The following TTC21B variants were observed in gnomAD, a reference collection of about 807,000 sequenced individuals.
The protein encoded by TTC21B is tetratricopeptide repeat protein 21B.
A neutral mutation model predicts 175.1 loss-of-function variants in TTC21B; 127 were observed. The observed-to-expected ratio is 0.73, with a 90% CI of 0.63 to 0.84. The LOEUF (loss-of-function observed/expected upper bound fraction) is 0.84. Among genes scored for constraint, TTC21B ranks in the 40% least tolerant of loss-of-function variants. The pLI is 0.00. For missense variants in TTC21B, 1,561 were observed against 1,558.3 expected, an observed-to-expected ratio of 1.00 and a Z score of -0.03; for synonymous variants, 524 against 524.5, an observed-to-expected ratio of 1.00 and a Z score of 0.01.
chr2:165,947,255 A>G, intron 3 of TTC21B: 1 of 141,008 alleles, frequency 7.1e-6, no homozygotes, highest in African/African-American at 2.8e-5. Context: ...TCAGAATCAG[A>G]ATCAGCCATG....
intron 6 of TTC21B, among the ~76,000 whole-genome samples, chr2:165,937,204 T>G (rs1687181799): frequency 6.6e-6 from 1 of 152,098 alleles, no homozygotes; most frequent in African/African-American, 2.4e-5. Flanking sequence ...ACATATTGTA[T>G]TATTCCATAT....
rs1028867261 is a variant in TTC21B at position 165,907,900 on chromosome 2, C to T, written c.2462-116G>A. ...AAATGATTTTGAAAAATAGTGAATACGGTTAAAATTTTCTCAATCAGTTGC... is the reference window on the plus strand; with the variant it reads ...AAATGATTTTGAAAAATAGTGAATATGGTTAAAATTTTCTCAATCAGTTGC... On this transcript the variant is annotated intron_variant, in intron 18 of 28. Transcript: ENST00000243344. 5.6e-5 allele frequency: 38 copies of T among 676,276 alleles called. 1 individual carries two copies. The South Asian group carries it at 5.9e-4, about 11-fold the overall frequency. 41.9% of individuals were successfully genotyped at this position (676,276 alleles called of 1,614,324 possible).
chr2:165,930,590 T>C (rs191035090), intron 8 of TTC21B, among the ~76,000 whole-genome samples: 271 of 152,118 alleles, frequency 1.8e-3, no homozygotes, highest in African/African-American at 6.3e-3. Flanking sequence ...ATAATGCTTT[T>C]ACAAAATAAC....
chr2:165,924,477 G>T (rs1686546406), intron 12 of TTC21B, 72 bp downstream of exon 12: 5 of 1,449,140 alleles, frequency 3.5e-6, no homozygotes, highest in Non-Finnish European at 4.8e-6. Context: ...TATACACAGT[G>T]CTTAATTTAT....
chr2:165,935,710 A>G (rs984863887), intron 6 of TTC21B, among the ~76,000 whole-genome samples: 5 of 152,216 alleles, frequency 3.3e-5, no homozygotes, highest in African/African-American at 1.2e-4. Context: ...AATAACATTT[A>G]CATTAGCACT....
intron 19 of TTC21B, 83 bp from the exon 20 acceptor site, chr2:165,901,993 GATTT>G (rs1559048531): frequency 1.7e-6 from 2 of 1,207,168 alleles, no homozygotes; most frequent in Non-Finnish European, 2.4e-6. Flanking sequence ...TAATTTTACA[GATTT>G]ATTTAAACAT....
chr2:165,932,789 T>C (rs1420240088), intron 7 of TTC21B, among the ~76,000 whole-genome samples, 184 bp downstream of exon 7: 1 of 152,152 alleles, frequency 6.6e-6, no homozygotes, highest in Non-Finnish European at 1.5e-5. Flanking sequence ...GCTTTACCAA[T>C]AGATTTCAGA....
intron 28 of TTC21B, 77 bp from the exon 29 acceptor site, chr2:165,874,909 AT>A: frequency 7.8e-7 from 1 of 1,278,850 alleles, no homozygotes; most frequent in Admixed American, 1.7e-5. Context: ...CTTATAAGAA[AT>A]GAGCATTACA....
intron 27 of TTC21B, among the ~76,000 whole-genome samples, chr2:165,877,219 T>C (rs771161605): frequency 4.6e-5 from 7 of 152,134 alleles, no homozygotes; most frequent in Non-Finnish European, 1.0e-4. Flanking sequence ...AAATAAGAAG[T>C]GTAAATAGTG....
At chr2:165,894,867 T>A (rs4667855) in intron 22 of TTC21B, among the ~76,000 whole-genome samples, 2,739 of 152,294 alleles carry the variant, frequency 0.018, 116 homozygotes, top group Admixed American at 0.098. Context: ...TAAATATTTT[T>A]AGTAAAATAC....
chr2:165,928,758 C>G (rs1559065850), intron 11 of TTC21B: 5 of 185,662 alleles, frequency 2.7e-5, no homozygotes, highest in Non-Finnish European at 5.6e-5. Context: ...ACAGGAAACA[C>G]AGGCTAACAA....
At chr2:165,914,314 TATTAC>T (rs1350574113) in intron 15 of TTC21B, among the ~76,000 whole-genome samples, 2 of 152,222 alleles carry the variant, frequency 1.3e-5, no homozygotes, top group Non-Finnish European at 2.9e-5. Flanking sequence ...TACTTTTAAC[TATTAC>T]ATTATAGTAC....
chr2:165,933,348 T>C (rs554928693), intron 6 of TTC21B, among the ~76,000 whole-genome samples: 1 of 152,248 alleles, frequency 6.6e-6, no homozygotes, highest in Non-Finnish European at 1.5e-5. Context: ...TACAACAGTA[T>C]AGTAAAAGAA....
chr2:165,914,657 CTGTGTGTGTGTGTGTGTG>C (rs551411661), intron 15 of TTC21B, among the ~76,000 whole-genome samples: 1 of 118,140 alleles, frequency 8.5e-6, no homozygotes, highest in Non-Finnish European at 1.6e-5. Flanking sequence ...GAAGAGCAAT[CTGTGTGTGTGTGTGTGTG>C]TGTGTGTGTG....
chr2:165,937,545 T>C (rs1687196616), intron 6 of TTC21B, among the ~76,000 whole-genome samples: 1 of 152,038 alleles, frequency 6.6e-6, no homozygotes, highest in South Asian at 2.1e-4. Flanking sequence ...GCAAGGAATA[T>C]ATGGGAAATC....
rs757633523 is a variant in TTC21B at position 165,890,565 on chromosome 2, G to C, written c.3177C>G (p.Ala1059=). 1 of 1,613,582 alleles carries C rather than the reference G, an allele frequency of 6.2e-7. No homozygotes were observed. The highest frequency in any genetic ancestry group is 1.7e-5 in the Admixed American group (1 of 59,996). ...ARKDRDWGQN[A]LYNMIEICLN... is the part of the protein sequence containing the mutation. ...AACAGATCTCTATCATATTATAAAGGGCATTTTGGCCCCAGTCACGATCTT... is the reference window on the plus strand; with the variant it reads ...AACAGATCTCTATCATATTATAAAGCGCATTTTGGCCCCAGTCACGATCTT... The change falls in exon 24 of 29, where the codon GCC becomes GCG. Residue 1059 remains alanine (A), a synonymous_variant. Coordinates refer to ENST00000243344, the MANE Select transcript of TTC21B (RefSeq NM_024753.5).
intron 24 of TTC21B, 54 bp from the exon 25 acceptor site, chr2:165,888,528 T>C (rs1210220725): frequency 7.1e-7 from 1 of 1,402,954 alleles, no homozygotes; most frequent in Non-Finnish European, 9.9e-7. Context: ...ATACAATTCA[T>C]TGAGATTAGA....
chr2:165,939,912 CT>C (rs1687300264), intron 6 of TTC21B, among the ~76,000 whole-genome samples: 1 of 152,140 alleles, frequency 6.6e-6, no homozygotes, highest in South Asian at 2.1e-4. Context: ...TTGTGTGGCT[CT>C]GGAGAAACTT....
chr2:165,876,450 C>T (rs1684666811), intron 27 of TTC21B, among the ~76,000 whole-genome samples: 1 of 152,120 alleles, frequency 6.6e-6, no homozygotes, highest in East Asian at 1.9e-4. Flanking sequence ...GAAAAAAGGA[C>T]CACAGTGAAT....
Sources: gnomAD v4.1 joint callset for allele counts (sites outside exome capture counted in the v4.1 genomes callset) on GRCh38, gnomAD v4.1.1 for gene constraint, MANE v1.5 for transcripts, NCBI Gene and HGNC (gene_info 2026-07-23, HGNC 2026-07-21) for gene names.